Variants in FAM193B observed in about 807,000 individuals in gnomAD.
FAM193B encodes family with sequence similarity 193 member B.
A neutral mutation model predicts 70.7 loss-of-function variants in FAM193B; 27 were observed. The observed-to-expected ratio is 0.38, with a 90% CI of 0.28 to 0.53. The LOEUF is 0.53. Ranked by LOEUF, FAM193B falls within the 20% of genes least tolerant of loss-of-function variation. FAM193B has a pLI of 0.81. For synonymous variants in FAM193B, 448 were observed against 436.0 expected (o/e 1.03, Z -0.34); for missense variants, 1,022 against 1,072.5 (o/e 0.95, Z 0.66).
chr5:177,550,082 AAGG>A lies in FAM193B; in HGVS notation c.210+4164_210+4166del, dbSNP rs574487242. ...GTAGTCCCAGCTATTTGGGAGGCTTAAGGAGAAGTATCACTTGAGTCCAGGAGT... is the reference window on the plus strand; with the variant it reads ...GTAGTCCCAGCTATTTGGGAGGCTTAAGAAGTATCACTTGAGTCCAGGAGT... On this transcript the variant is annotated intron_variant, in intron 1 of 8. Coordinates refer to ENST00000514747, the MANE Select transcript of FAM193B (RefSeq NM_001190946.3). 2.0e-3 allele frequency among the ~76,000 whole-genome samples: 304 copies of A among 152,318 alleles called. 2 individuals carry two copies. Among genetic ancestry groups the A allele is most frequent in the Non-Finnish European group, 2.0e-3 (136 of 68,030 alleles).
At chr5:177,553,848 G>A (rs954697357) in intron 1 of FAM193B, 8 of 1,276,084 alleles carry the variant, frequency 6.3e-6, no homozygotes, top group South Asian at 1.3e-5. Flanking sequence ...GAGGGAAGAG[G>A]CTGCAGTCGT....
At chr5:177,537,832 C>A (rs781664844) in intron 3 of FAM193B, 41 bp downstream of exon 3, 6 of 1,570,198 alleles carry the variant, frequency 3.8e-6, no homozygotes, top group Non-Finnish European at 5.2e-6. Context: ...CAGCTGTCCA[C>A]ATTTATAGGG....
chr5:177,544,632 T>C (rs1765204327), intron 1 of FAM193B, among the ~76,000 whole-genome samples: 2 of 151,046 alleles, frequency 1.3e-5, no homozygotes, highest in South Asian at 4.2e-4. Flanking sequence ...TTCCAAATAC[T>C]TGAAGACTTT....
chr5:177,550,714 T>C (rs1046987544), intron 1 of FAM193B, among the ~76,000 whole-genome samples: 2 of 152,190 alleles, frequency 1.3e-5, no homozygotes, highest in African/African-American at 4.8e-5. Flanking sequence ...CTAGCAGAGC[T>C]AACAGGCCAG....
intron 3 of FAM193B, among the ~76,000 whole-genome samples, 191 bp downstream of exon 3, chr5:177,537,682 T>C (rs1331236213): frequency 6.6e-6 from 1 of 152,244 alleles, no homozygotes; most frequent in Non-Finnish European, 1.5e-5. Flanking sequence ...GCAGTATTTT[T>C]CAAGTTCAGA....
At chr5:177,539,423 C>T (rs1764582568) in intron 1 of FAM193B, 1 of 363,222 alleles carries the variant, frequency 2.8e-6, no homozygotes, top group Non-Finnish European at 5.1e-6. Context: ...CTCCAAAACT[C>T]ATGCTCAAAT....
In FAM193B at chr5:177,524,395, T is replaced by C; in HGVS notation, c.2086A>G (p.Ser696Gly). Residue 696 changes from serine (S) to glycine (G), a missense_variant, in exon 6 of 9, where the codon AGC becomes GGC. Ser to Gly is a moderately conservative substitution (Grantham distance 56, BLOSUM62 0). Coordinates refer to ENST00000514747, the MANE Select transcript of FAM193B (RefSeq NM_001190946.3). ...CCAGCCCAACCTGGTCCTGGCCGGCTCCCCCGGCTCCCCTCTCCAGCCTCA... is the reference window on the plus strand; with the variant it reads ...CCAGCCCAACCTGGTCCTGGCCGGCCCCCCCGGCTCCCCTCTCCAGCCTCA... Reference protein sequence around the residue: ...CAEAGEGSRGSRPGPGWAGSP... With the variant: ...CAEAGEGSRGGRPGPGWAGSP... 1.3e-6 allele frequency: 2 copies of C among 1,571,932 alleles called. No individual in the cohort carries two copies. The highest frequency in any genetic ancestry group is 1.7e-6 in the Non-Finnish European group (2 of 1,160,026).
intron 5 of FAM193B, among the ~76,000 whole-genome samples, chr5:177,528,782 C>T (rs1763012389): frequency 6.6e-6 from 1 of 152,088 alleles, no homozygotes. Flanking sequence ...GTACAGGAAG[C>T]CCAGGGAACC....
chr5:177,551,764 C>T (rs780924651), intron 1 of FAM193B, among the ~76,000 whole-genome samples: 1 of 152,190 alleles, frequency 6.6e-6, no homozygotes, highest in South Asian at 2.1e-4. Context: ...TGGTATATGA[C>T]ACTGAGTTTC....
intron 1 of FAM193B, among the ~76,000 whole-genome samples, chr5:177,540,336 TA>T (rs977146080): frequency 9.4e-5 from 14 of 149,168 alleles, no homozygotes; most frequent in African/African-American, 3.5e-4. Context: ...GAAAAACAAA[TA>T]TAAGTCTGTA....
At chr5:177,549,095 A>AAAT (rs1307967045) in intron 1 of FAM193B, among the ~76,000 whole-genome samples, 2 of 152,018 alleles carry the variant, frequency 1.3e-5, no homozygotes, top group Admixed American at 1.3e-4. Context: ...CCCTGACACC[A>AAAT]AATATCTACA....
At chr5:177,552,979 C>G (rs929299151) in intron 1 of FAM193B, among the ~76,000 whole-genome samples, 7 of 152,148 alleles carry the variant, frequency 4.6e-5, no homozygotes, top group Non-Finnish European at 8.8e-5. Flanking sequence ...GATGGCATAG[C>G]CTGTGTCCCT....
In FAM193B at chr5:177,532,654, A is replaced by G. The variant is rs753509160; in HGVS notation, c.1077-13T>C. 2.4e-5 allele frequency: 37 copies of G among 1,523,566 alleles called. No individual in the cohort carries two copies. Among genetic ancestry groups the G allele is most frequent in the Non-Finnish European group, 3.1e-5 (36 of 1,144,376 alleles). The allele number at this position is 1,523,566 out of a possible 1,614,324, so 94.4% of individuals were successfully genotyped here. On this transcript the variant is annotated splice_polypyrimidine_tract_variant and intron_variant, in intron 4 of 8. Coordinates refer to ENST00000514747, the MANE Select transcript of FAM193B (RefSeq NM_001190946.3). The surrounding 1 kb of genome is among the most constrained non-coding windows in gnomAD (Gnocchi z 4.9). Reference sequence around the variant, plus strand: ...GCACCCGGGATCCCTGATGATGGGGAGGAAGGCCCAGAGGTGAGGCAGGGT... The same window carrying G: ...GCACCCGGGATCCCTGATGATGGGGGGGAAGGCCCAGAGGTGAGGCAGGGT...
At chr5:177,549,133 C>T (rs1364788126) in intron 1 of FAM193B, among the ~76,000 whole-genome samples, 1 of 151,692 alleles carries the variant, frequency 6.6e-6, no homozygotes, top group Non-Finnish European at 1.5e-5. Flanking sequence ...TTGTGTTAAG[C>T]ATACCGCACT....
rs968780913 is a variant in FAM193B, at chr5:177,524,998, G to A, written c.1483C>T (p.Leu495Phe). The A allele has an allele frequency of 3.3e-6, 5 of 1,533,044 alleles. No individual in the cohort carries two copies. The highest frequency in any genetic ancestry group is 4.4e-6 in the Non-Finnish European group (5 of 1,141,740). 95.0% of individuals were successfully genotyped at this position (1,533,044 alleles called of 1,614,324 possible). Residue 495 changes from leucine (L) to phenylalanine (F), a missense_variant, in exon 6 of 9, where the codon CTC (leucine) becomes TTC (phenylalanine). Leu to Phe is a conservative substitution (Grantham distance 22, BLOSUM62 0). Coordinates refer to ENST00000514747, the MANE Select transcript of FAM193B (RefSeq NM_001190946.3). ...SIRASFSVCELSMDSNGFSKE... is the reference protein window; with the variant it reads ...SIRASFSVCEFSMDSNGFSKE... The stretch of plus-strand genomic sequence containing the variant: ...GAGAAGCCATTGCTGTCCATGCTGA[G>A]CTCACACACACTGAAGCTGGCACGG...
chr5:177,526,891 C>T (rs1317024238), intron 5 of FAM193B, among the ~76,000 whole-genome samples: 2 of 152,308 alleles, frequency 1.3e-5, no homozygotes, highest in East Asian at 1.9e-4. Context: ...GTGAGTTTAG[C>T]GTACGTGAGA....
In FAM193B at chr5:177,524,189, G is replaced by A; in HGVS notation, c.2292C>T (p.Ser764=). The change falls in exon 6 of 9, where the codon TCC becomes TCT. Residue 764 remains serine, a synonymous_variant. Transcript: ENST00000514747. ...SRNKQEKPAS[S]LDDVFLPKDM... The stretch of plus-strand genomic sequence containing the variant: ...CTCAGTTCCTGGTGCACTCACCCAA[G>A]GAGGAGGCTGGCTTCTCCTGCTTGT... 6.4e-7 allele frequency: 1 copy of A among 1,562,550 alleles called. No homozygotes were observed. The highest frequency in any genetic ancestry group is 8.7e-7 in the Non-Finnish European group (1 of 1,153,530).
intron 1 of FAM193B, chr5:177,553,467 C>A (rs569997101): frequency 1.8e-6 from 2 of 1,107,578 alleles, no homozygotes; most frequent in South Asian, 4.2e-5. Context: ...CCATGTCACC[C>A]CCGCCTCTCA....
chr5:177,538,973 C>A lies in FAM193B; in HGVS notation c.385G>T (p.Val129Phe). 1 of 1,614,074 alleles carries A rather than the reference C, an allele frequency of 6.2e-7. No homozygotes were observed. The highest frequency in any genetic ancestry group is 1.1e-5 in the South Asian group (1 of 91,086). ...KNLLGEMPLWVCQSCRKSMEE... is the reference protein window; with the variant it reads ...KNLLGEMPLWFCQSCRKSMEE... The stretch of plus-strand genomic sequence containing the variant: ...ATGCTCTTTCGGCAACTCTGGCAGA[C>A]CCACAGAGGCATCTCGCCTAGGAGA... The change falls in exon 2 of 9, where the codon GTC becomes TTC. Residue 129 changes from valine (V) to phenylalanine (F), a missense_variant. Physicochemically the swap from Val to Phe is conservative, Grantham distance 50 (BLOSUM62 -1). Transcript: ENST00000514747. The surrounding 1 kb of genome is among the most constrained non-coding windows in gnomAD (Gnocchi z 4.1).
Sources: gnomAD v4.1 joint callset for allele counts (sites outside exome capture counted in the v4.1 genomes callset) on GRCh38, gnomAD v4.1.1 for gene constraint, Gnocchi (gnomAD v3.1) non-coding constraint, MANE v1.5 for transcripts, NCBI Gene and HGNC (gene_info 2026-07-23, HGNC 2026-07-21) for gene names.